The following NR6A1 variants were observed in gnomAD, a reference collection of about 807,000 sequenced individuals.
NR6A1 encodes nuclear receptor subfamily 6 group A member 1.
A neutral mutation model predicts 59.1 loss-of-function variants in NR6A1; 7 were observed. That is an observed-to-expected ratio of 0.12 (90% CI 0.07 to 0.22). The LOEUF (loss-of-function observed/expected upper bound fraction) is 0.22. Among genes scored for constraint, NR6A1 ranks in the 10% least tolerant of loss-of-function variants. The pLI is 1.00. For missense variants in NR6A1, 468 were observed against 611.6 expected, an observed-to-expected ratio of 0.77 and a Z score of 2.48; for synonymous variants, 243 against 236.1, an observed-to-expected ratio of 1.03 and a Z score of -0.27.
chr9:124,721,030 T>G (rs1839548552), intron 2 of NR6A1, among the ~76,000 whole-genome samples: 2 of 152,220 alleles, frequency 1.3e-5, no homozygotes, highest in South Asian at 4.1e-4. Context: ...CTGAAAATGT[T>G]ACTGCAATAT....
At chr9:124,692,940 G>T (rs1295327840) in intron 2 of NR6A1, among the ~76,000 whole-genome samples, 3 of 152,186 alleles carry the variant, frequency 2.0e-5, no homozygotes, top group Non-Finnish European at 4.4e-5. Flanking sequence ...GGGGCAAGGG[G>T]AGGATTTAAT....
intron 2 of NR6A1, among the ~76,000 whole-genome samples, chr9:124,661,677 G>C (rs781195128): frequency 6.6e-6 from 1 of 152,012 alleles, no homozygotes; most frequent in African/African-American, 2.4e-5. Flanking sequence ...CCAACAATTG[G>C]GCTTCCTCAA....
intron 2 of NR6A1, among the ~76,000 whole-genome samples, chr9:124,575,404 C>A (rs1474820808): frequency 1.3e-5 from 2 of 151,904 alleles, no homozygotes; most frequent in Non-Finnish European, 2.9e-5. Flanking sequence ...TGAAACCCTG[C>A]CTCTACTAAA....
At chr9:124,554,055 G>A (rs1833861532) in intron 3 of NR6A1, among the ~76,000 whole-genome samples, 2 of 152,276 alleles carry the variant, frequency 1.3e-5, no homozygotes, top group African/African-American at 4.8e-5. Context: ...AACTAGTGAA[G>A]TATATTAATC....
chr9:124,752,105 C>A (rs1019326775), intron 1 of NR6A1, among the ~76,000 whole-genome samples: 2 of 152,096 alleles, frequency 1.3e-5, no homozygotes, highest in South Asian at 2.1e-4. Flanking sequence ...CCTGTCTCTA[C>A]TAAAAATACA....
At chr9:124,731,475 G>T (rs542099682) in intron 2 of NR6A1, among the ~76,000 whole-genome samples, 1 of 152,000 alleles carries the variant, frequency 6.6e-6, no homozygotes, top group Admixed American at 6.6e-5. Context: ...AACACAGCTG[G>T]ACCTCGAATA....
At chr9:124,692,523 T>A (rs772245639) in intron 2 of NR6A1, 1 of 531,092 alleles carries the variant, frequency 1.9e-6, no homozygotes, top group Non-Finnish European at 3.9e-6. Context: ...AAAAAACCAC[T>A]GACCGTTGAC....
chr9:124,632,070 G>T (rs1038319679), intron 2 of NR6A1, among the ~76,000 whole-genome samples: 1 of 152,118 alleles, frequency 6.6e-6, no homozygotes, highest in African/African-American at 2.4e-5. Context: ...GCCTATCATT[G>T]GTGGGCATTT....
At chr9:124,694,288 T>G (rs564012365) in intron 2 of NR6A1, among the ~76,000 whole-genome samples, 1 of 152,164 alleles carries the variant, frequency 6.6e-6, no homozygotes, top group African/African-American at 2.4e-5. Context: ...TTTGCATGTT[T>G]TGGGGGGAGA....
At chr9:124,723,115 A>G (rs1230640906) in intron 2 of NR6A1, among the ~76,000 whole-genome samples, 2 of 152,092 alleles carry the variant, frequency 1.3e-5, no homozygotes, top group Non-Finnish European at 2.9e-5. Flanking sequence ...TATATATGCT[A>G]TATCATTTAT....
At chr9:124,740,620 C>T (rs1433198186) in intron 1 of NR6A1, among the ~76,000 whole-genome samples, 1 of 152,148 alleles carries the variant, frequency 6.6e-6, no homozygotes, top group African/African-American at 2.4e-5. Context: ...ACCACTAGAA[C>T]CTGAATTCAG....
rs35509880 is a variant in NR6A1 at position 124,598,351 on chromosome 9, T to TA, written c.143-43782dup. On this transcript the variant is annotated intron_variant, in intron 2 of 9. Coordinates refer to ENST00000487099, the MANE Select transcript of NR6A1 (RefSeq NM_033334.4). ...GCAACAGAGTGACCTCGTCCCTACT[T>TA]AAAAAAAAAAAAAAGAAGAAGAAGA... Among the ~76,000 whole-genome samples, 146 of 129,770 alleles carry TA rather than the reference T, an allele frequency of 1.1e-3. 1 individual carries two copies. The Middle Eastern group carries it at 0.012, about 11-fold the overall frequency. 85.1% of individuals were successfully genotyped at this position (129,770 alleles called of 152,430 possible).
At chr9:124,576,689 G>A (rs1834607261) in intron 2 of NR6A1, among the ~76,000 whole-genome samples, 1 of 152,168 alleles carries the variant, frequency 6.6e-6, no homozygotes, top group Non-Finnish European at 1.5e-5. Context: ...TACTTTACTG[G>A]ATTTTTGTGA....
chr9:124,602,423 C>T (rs1308397737), intron 2 of NR6A1, among the ~76,000 whole-genome samples: 1 of 152,226 alleles, frequency 6.6e-6, no homozygotes, highest in African/African-American at 2.4e-5. Flanking sequence ...GCCCTGAACA[C>T]AGCAACAGCT....
chr9:124,583,252 T>C (rs969330596), intron 2 of NR6A1, among the ~76,000 whole-genome samples: 2 of 145,588 alleles, frequency 1.4e-5, no homozygotes, highest in African/African-American at 2.5e-5. Flanking sequence ...ATTAAGAAAA[T>C]ACAACAGACT....
chr9:124,726,570 A>C (rs1839724680), intron 2 of NR6A1, among the ~76,000 whole-genome samples: 1 of 152,170 alleles, frequency 6.6e-6, no homozygotes, highest in Admixed American at 6.5e-5. Flanking sequence ...AGAGAGGTAG[A>C]CTTTTTGCTT....
chr9:124,523,482 T>G (rs974478429), intron 9 of NR6A1, among the ~76,000 whole-genome samples: 2 of 152,074 alleles, frequency 1.3e-5, no homozygotes, highest in Non-Finnish European at 2.9e-5. Flanking sequence ...CCCATTCCAA[T>G]TAAACCAGAA....
At chr9:124,564,508 G>A (rs927281817) in intron 2 of NR6A1, among the ~76,000 whole-genome samples, 2 of 152,178 alleles carry the variant, frequency 1.3e-5, no homozygotes, top group East Asian at 1.9e-4. Flanking sequence ...CTAATAAAGA[G>A]ATACAAGATC....
At chr9:124,707,303 A>G (rs993998787) in intron 2 of NR6A1, among the ~76,000 whole-genome samples, 1 of 152,096 alleles carries the variant, frequency 6.6e-6, no homozygotes, top group Admixed American at 6.6e-5. Context: ...CATTTTAGTT[A>G]TACTTTTCAA....
Sources: gnomAD v4.1 joint callset for allele counts (sites outside exome capture counted in the v4.1 genomes callset) on GRCh38, gnomAD v4.1.1 for gene constraint, MANE v1.5 for transcripts, NCBI Gene and HGNC (gene_info 2026-07-23, HGNC 2026-07-21) for gene names.